HDAC9: variants seen among roughly 807,000 people sequenced by gnomAD.
HDAC9 encodes histone deacetylase 9.
Under a neutral mutation model 139.4 loss-of-function variants are expected in HDAC9, and 41 were observed. The ratio of observed to expected loss-of-function variants is 0.29; its 90% confidence interval spans 0.23 to 0.38. The LOEUF (loss-of-function observed/expected upper bound fraction) is 0.38. Among genes scored for constraint, HDAC9 ranks in the 10% least tolerant of loss-of-function variants. HDAC9 has a pLI of 1.00. For synonymous variants in HDAC9, 517 were observed against 476.2 expected (o/e 1.09, Z -1.12); for missense variants, 1,147 against 1,297.0 (o/e 0.88, Z 1.78).
chr7:18,411,229 C>T (rs2128744359), intron 1 of HDAC9, among the ~76,000 whole-genome samples: 1 of 152,242 alleles, frequency 6.6e-6, no homozygotes, highest in Middle Eastern at 3.4e-3. Context: ...TAGATAGTCC[C>T]CGATGTTTGA....
rs137894104 is a variant in HDAC9 at position 18,851,943 on chromosome 7, C to T, written c.2684+15946C>T. On this transcript the variant is annotated intron_variant, in intron 21 of 25. Coordinates refer to ENST00000686413, the MANE Select transcript of HDAC9 (RefSeq NM_178425.4). ...GCTACTCAGCAATGCCTTCTTCGCT[C>T]CTTGCAGGCAGGTAGGTGCCTGTGT... 4.4e-4 allele frequency among the ~76,000 whole-genome samples: 67 copies of T among 152,342 alleles called. No individual in the cohort carries two copies. In the Middle Eastern group the frequency reaches 0.014, roughly 31 times the overall value.
chr7:18,851,636 G>A (rs13245206), intron 21 of HDAC9, among the ~76,000 whole-genome samples: 69,345 of 151,974 alleles, frequency 0.46, 16,303 homozygotes, highest in African/African-American at 0.57. Flanking sequence ...ATGAAACTGC[G>A]TTTTTAATTT....
intron 1 of HDAC9, among the ~76,000 whole-genome samples, chr7:18,423,261 T>C (rs1013822614): frequency 6.6e-6 from 1 of 152,256 alleles, no homozygotes; most frequent in East Asian, 1.9e-4. Flanking sequence ...CAAATAATTT[T>C]TTATTTGCTG....
chr7:18,900,791 G>A (rs60339623), intron 22 of HDAC9, among the ~76,000 whole-genome samples: 9,912 of 152,098 alleles, frequency 0.065, 441 homozygotes, highest in African/African-American at 0.12. Context: ...GCAATAAGAA[G>A]TACGAATACC....
intron 25 of HDAC9, among the ~76,000 whole-genome samples, chr7:18,991,133 G>A (rs1024155303): frequency 6.6e-6 from 1 of 152,124 alleles, no homozygotes; most frequent in South Asian, 2.1e-4. Context: ...TACTTGTAAA[G>A]AGCACTGAAA....
intron 1 of HDAC9, among the ~76,000 whole-genome samples, chr7:18,361,798 G>A (rs376507356): frequency 3.3e-5 from 5 of 150,978 alleles, no homozygotes; most frequent in East Asian, 2.0e-4. Context: ...GTATTATTTC[G>A]TTTATTGCAA....
At chr7:18,646,372 C>T (rs963021749) in intron 9 of HDAC9, among the ~76,000 whole-genome samples, 1 of 152,066 alleles carries the variant, frequency 6.6e-6, no homozygotes, top group Non-Finnish European at 1.5e-5. Context: ...CGATTTGGTA[C>T]CATTGGATGA....
At position 18,712,193 on chromosome 7, in the gene HDAC9, C is replaced by T. The variant is rs543197434; in HGVS notation, c.1732-15387C>T. 3.3e-5 allele frequency among the ~76,000 whole-genome samples: 5 copies of T among 152,112 alleles called. No individual in the cohort carries two copies. The South Asian group carries it at 1.0e-3, about 32-fold the overall frequency. ...TCACATTTTTTCATTCTTTAATATA[C>T]ATCAGCGACTTCTCATTGTTTTCTG... is the stretch of plus-strand genomic sequence containing the variant. On this transcript the variant is annotated intron_variant, in intron 12 of 25. Coordinates refer to ENST00000686413, the MANE Select transcript of HDAC9 (RefSeq NM_178425.4).
intron 1 of HDAC9, among the ~76,000 whole-genome samples, chr7:18,334,685 A>G (rs1220486039): frequency 6.6e-6 from 1 of 151,592 alleles, no homozygotes; most frequent in Non-Finnish European, 1.5e-5. Context: ...TGCACAGGAA[A>G]AAGAATAGGA....
chr7:18,500,673 G>A (rs150519773), intron 2 of HDAC9, among the ~76,000 whole-genome samples: 27 of 152,216 alleles, frequency 1.8e-4, no homozygotes, highest in South Asian at 6.2e-4. Context: ...TCAGAGCAGC[G>A]TACTAAATTG....
In HDAC9 at chr7:18,167,402, A is replaced by G. The variant is rs530606158; in HGVS notation, c.25+5053A>G. On this transcript the variant is annotated intron_variant, in intron 2 of 12. Coordinates refer to the HDAC9 transcript ENST00000417496. ...TGTTCAGTATAAATTTGTTTTGAAC[A>G]TTTATTTGTTTTTATATTTGCTTTT... 3.9e-5 allele frequency among the ~76,000 whole-genome samples: 6 copies of G among 152,302 alleles called. No homozygotes were observed. In the South Asian group the frequency reaches 8.3e-4, roughly 21 times the overall value.
chr7:18,398,880 A>AT (rs938251341), intron 1 of HDAC9, among the ~76,000 whole-genome samples: 125 of 149,906 alleles, frequency 8.3e-4, no homozygotes, highest in South Asian at 2.5e-3. Context: ...AAAAAGGCTC[A>AT]TTTTTTTTTT....
intron 6 of HDAC9, among the ~76,000 whole-genome samples, chr7:18,626,074 T>G (rs1483683571): frequency 6.6e-6 from 1 of 151,178 alleles, no homozygotes; most frequent in Non-Finnish European, 1.5e-5. Flanking sequence ...AGGAAGTTAG[T>G]AAGGTTAAAT....
In HDAC9 at chr7:18,999,849, T is replaced by C. The variant is rs1406635273; in HGVS notation, c.*3787T>C. 6.7e-6 allele frequency: 1 copy of C among 149,900 alleles called. No individual in the cohort carries two copies. The highest frequency in any genetic ancestry group is 1.5e-5 in the Non-Finnish European group (1 of 67,380). The allele number at this position is 149,900 out of a possible 1,614,324, so 9.3% of individuals were successfully genotyped here. On this transcript the variant is annotated 3_prime_UTR_variant, in exon 26 of 26. Coordinates refer to ENST00000686413, the MANE Select transcript of HDAC9 (RefSeq NM_178425.4). Reference sequence around the variant, plus strand: ...CATCTTATCTCAATGAAAGAAGTATTAAAAGTCTTATGGCCCCAAAAGAAA... The same window carrying C: ...CATCTTATCTCAATGAAAGAAGTATCAAAAGTCTTATGGCCCCAAAAGAAA...
intron 2 of HDAC9, among the ~76,000 whole-genome samples, chr7:18,207,191 G>T (rs1465798635): frequency 6.6e-6 from 1 of 151,934 alleles, no homozygotes; most frequent in African/African-American, 2.4e-5. Context: ...TGCCTGCCTT[G>T]GCCTCCCAGT....
At chr7:18,130,380 G>T (rs1176440360) in intron 1 of HDAC9, among the ~76,000 whole-genome samples, 2 of 152,110 alleles carry the variant, frequency 1.3e-5, no homozygotes, top group Admixed American at 1.3e-4. Context: ...ATGAGGGACG[G>T]TGATGCTGTT....
chr7:18,337,930 CATT>C (rs1781703016), intron 1 of HDAC9, among the ~76,000 whole-genome samples: 1 of 151,696 alleles, frequency 6.6e-6, no homozygotes, highest in South Asian at 2.1e-4. Context: ...ATAAATGTAA[CATT>C]ATCCTTCTCT....
At chr7:18,314,245 GC>G (rs1799497432) in intron 1 of HDAC9, among the ~76,000 whole-genome samples, 2 of 152,160 alleles carry the variant, frequency 1.3e-5, no homozygotes, top group South Asian at 4.1e-4. Flanking sequence ...TAATAAGCCT[GC>G]CTTATCTCCA....
At chr7:18,224,939 G>A (rs1792954046) in intron 2 of HDAC9, among the ~76,000 whole-genome samples, 1 of 151,948 alleles carries the variant, frequency 6.6e-6, no homozygotes, top group Non-Finnish European at 1.5e-5. Flanking sequence ...TGGATGAAAG[G>A]GGCAAGACAG....
Sources: allele counts gnomAD v4.1 joint callset (sites outside exome capture counted in the v4.1 genomes callset), GRCh38; gene constraint gnomAD v4.1.1; transcripts MANE v1.5; gene names NCBI Gene and HGNC (gene_info 2026-07-23, HGNC 2026-07-21).